Variants in PPP1R1C observed in about 807,000 individuals in gnomAD.
PPP1R1C encodes protein phosphatase 1 regulatory inhibitor subunit 1C.
In PPP1R1C, 15 loss-of-function variants were observed where a neutral mutation model predicts 17.4. The ratio of observed to expected loss-of-function variants is 0.86; its 90% CI spans 0.58 to 1.33. The LOEUF (loss-of-function observed/expected upper bound fraction) is 1.33. Ranked by LOEUF, PPP1R1C falls within the 40% of genes most tolerant of loss-of-function variation. The pLI is 0.00. For missense variants in PPP1R1C, 143 were observed against 130.0 expected, an observed-to-expected ratio of 1.10 and a Z score of -0.48; for synonymous variants, 35 against 43.1, an observed-to-expected ratio of 0.81 and a Z score of 0.73.
At chr2:182,093,242 G>A (rs1251230814) in intron 4 of PPP1R1C, among the ~76,000 whole-genome samples, 7 of 152,306 alleles carry the variant, frequency 4.6e-5, no homozygotes, top group Non-Finnish European at 7.4e-5. Context: ...CACAGCCTGA[G>A]CTCTACATTG....
chr2:182,043,935 C>A (rs1687264898), intron 2 of PPP1R1C, among the ~76,000 whole-genome samples: 2 of 152,180 alleles, frequency 1.3e-5, no homozygotes, highest in Admixed American at 6.5e-5. Context: ...CTTGGATAAT[C>A]AGTAAGCACC....
At chr2:182,057,770 C>T (rs1687730182) in intron 2 of PPP1R1C, among the ~76,000 whole-genome samples, 1 of 152,116 alleles carries the variant, frequency 6.6e-6, no homozygotes, top group South Asian at 2.1e-4. Flanking sequence ...ATGATATTTT[C>T]ATGACCTTGT....
chr2:182,045,405 G>T (rs1257348450), intron 2 of PPP1R1C, among the ~76,000 whole-genome samples: 1 of 149,692 alleles, frequency 6.7e-6, no homozygotes, highest in Non-Finnish European at 1.5e-5. Flanking sequence ...GGATTTTAAG[G>T]ATATTTTTCC....
chr2:181,980,369 C>T (rs564737419), intron 2 of PPP1R1C, among the ~76,000 whole-genome samples: 7 of 152,268 alleles, frequency 4.6e-5, no homozygotes, highest in Non-Finnish European at 7.4e-5. Context: ...GGGGTGAGAG[C>T]GAATTCCAAG....
At chr2:182,062,078 C>T (rs555272199) in intron 3 of PPP1R1C, among the ~76,000 whole-genome samples, 1 of 151,998 alleles carries the variant, frequency 6.6e-6, no homozygotes, top group Non-Finnish European at 1.5e-5. Context: ...ATATATGAAA[C>T]ACAAAGTGAA....
At chr2:181,998,053 CT>C (rs1181659315) in intron 2 of PPP1R1C, among the ~76,000 whole-genome samples, 1 of 152,208 alleles carries the variant, frequency 6.6e-6, no homozygotes, top group Non-Finnish European at 1.5e-5. Context: ...CACACTGTAA[CT>C]TTCAAACTAG....
intron 2 of PPP1R1C, among the ~76,000 whole-genome samples, chr2:182,028,172 T>G (rs1285381865): frequency 2.2e-4 from 29 of 133,302 alleles, no homozygotes; most frequent in African/African-American, 8.1e-4. Context: ...GCTCCTGGAT[T>G]CATTAATTTT....
Position 181,961,591 on chromosome 2 carries a change from G to A in PPP1R1C, n.111+6957G>A, listed in dbSNP as rs545906710. ...GGACTGGACTGTACGTCTCAGCTCC[G>A]TGAGCGTCATCTCAGCATCTCCAAC... On this transcript the variant is annotated intron_variant and non_coding_transcript_variant, in intron 1 of 5. Coordinates refer to the PPP1R1C transcript ENST00000464264. The surrounding 1 kb of genome is among the most constrained non-coding windows in gnomAD (Gnocchi z 5.8). The A allele has an allele frequency of 2.6e-5, 19 of 742,926 alleles. No individual in the cohort carries two copies. The highest frequency in any genetic ancestry group is 1.2e-4 in the African/African-American group (7 of 58,846). 46.0% of individuals were successfully genotyped at this position (742,926 alleles called of 1,614,324 possible). A position where few individuals can be genotyped will look rare whatever the true frequency, so the allele number is the denominator to read the frequency against.
intron 4 of PPP1R1C, among the ~76,000 whole-genome samples, chr2:182,105,238 A>G (rs1283014928): frequency 6.6e-6 from 1 of 152,266 alleles, no homozygotes; most frequent in East Asian, 1.9e-4. Flanking sequence ...GGGAATGTTG[A>G]AGATTTGAGG....
At chr2:182,061,148 C>A (rs1181548506) in intron 2 of PPP1R1C, among the ~76,000 whole-genome samples, 1 of 152,060 alleles carries the variant, frequency 6.6e-6, no homozygotes, top group African/African-American at 2.4e-5. Context: ...GCTGATGACA[C>A]CTAACTTTGT....
At chr2:182,018,915 A>G (rs1686336723) in intron 2 of PPP1R1C, among the ~76,000 whole-genome samples, 2 of 152,200 alleles carry the variant, frequency 1.3e-5, no homozygotes, top group South Asian at 4.1e-4. Context: ...AGGAGTCTTA[A>G]GTATGGATAA....
At chr2:181,986,653 G>T (rs1165742664) in intron 1 of PPP1R1C, among the ~76,000 whole-genome samples, 1 of 151,992 alleles carries the variant, frequency 6.6e-6, no homozygotes, top group African/African-American at 2.4e-5. Flanking sequence ...TATTATTGTG[G>T]ACACAAAACA....
intron 3 of PPP1R1C, among the ~76,000 whole-genome samples, chr2:182,061,802 C>T (rs1044444736): frequency 1.3e-5 from 2 of 152,034 alleles, no homozygotes; most frequent in Non-Finnish European, 2.9e-5. Context: ...GCTGGAACCC[C>T]AGAGCAAGGA....
chr2:181,969,529 G>A (rs1684965370), intron 1 of PPP1R1C, among the ~76,000 whole-genome samples: 1 of 151,982 alleles, frequency 6.6e-6, no homozygotes, highest in Admixed American at 6.6e-5. Context: ...GCTACTTTTG[G>A]AATCCTTTCT....
chr2:182,060,781 G>A (rs761859088), intron 2 of PPP1R1C, among the ~76,000 whole-genome samples: 17 of 152,164 alleles, frequency 1.1e-4, no homozygotes, highest in African/African-American at 4.1e-4. Flanking sequence ...AAGAGGCAGA[G>A]GCCATACAAT....
intron 4 of PPP1R1C, among the ~76,000 whole-genome samples, chr2:182,082,898 A>C (rs1688521824): frequency 6.6e-6 from 1 of 152,160 alleles, no homozygotes; most frequent in Non-Finnish European, 1.5e-5. Context: ...GGTGGAGTCT[A>C]ATAATACCCA....
At chr2:181,994,625 T>C (rs547393462) in intron 2 of PPP1R1C, among the ~76,000 whole-genome samples, 2 of 152,322 alleles carry the variant, frequency 1.3e-5, no homozygotes, top group East Asian at 3.9e-4. Context: ...GTCATGTTAG[T>C]CTAATATTCT....
chr2:181,975,106 T>A (rs1233108412), intron 1 of PPP1R1C: 1 of 151,992 alleles, frequency 6.6e-6, no homozygotes, highest in African/African-American at 2.4e-5. Context: ...TAATATAAAA[T>A]TTTGGGGGTA....
intron 1 of PPP1R1C, among the ~76,000 whole-genome samples, chr2:181,968,845 T>C (rs934070934): frequency 6.6e-6 from 1 of 152,174 alleles, no homozygotes; most frequent in Non-Finnish European, 1.5e-5. Context: ...TTTATTGCTT[T>C]TTATTTTTGT....
Sources: gnomAD v4.1 joint callset for allele counts (sites outside exome capture counted in the v4.1 genomes callset) on GRCh38, gnomAD v4.1.1 for gene constraint, Gnocchi (gnomAD v3.1) non-coding constraint, MANE v1.5 for transcripts, NCBI Gene and HGNC (gene_info 2026-07-23, HGNC 2026-07-21) for gene names.